The following TBL1X variants were observed in gnomAD, a reference collection of about 807,000 sequenced individuals.
The protein encoded by TBL1X is transducin beta like 1 X-linked.
TBL1X carries 10 observed loss-of-function variants against 50.7 expected under a neutral mutation model. The observed-to-expected ratio is 0.20, with a 90% CI of 0.12 to 0.33. The LOEUF is 0.33. Ranked by LOEUF, TBL1X falls within the 10% of genes least tolerant of loss-of-function variation. TBL1X has a pLI of 1.00. For synonymous variants in TBL1X, 190 were observed against 214.7 expected (o/e 0.88, Z 1.01); for missense variants, 340 against 504.4 (o/e 0.67, Z 3.12).
chrX:9,553,857 T>C (rs1291228766), intron 2 of TBL1X, among the ~76,000 whole-genome samples: 1 of 111,169 alleles, frequency 9.0e-6, no homozygotes, highest in Non-Finnish European at 1.9e-5. Flanking sequence ...TTATAGAGGG[T>C]AAGTTACATA....
intron 15 of TBL1X, among the ~76,000 whole-genome samples, chrX:9,710,711 T>C (rs2083241244): frequency 8.9e-6 from 1 of 112,129 alleles, no homozygotes; most frequent in Non-Finnish European, 1.9e-5. Flanking sequence ...TGATTACGTA[T>C]GTGGATGTGA....
chrX:9,544,726 C>T (rs772591031), intron 2 of TBL1X, among the ~76,000 whole-genome samples: 17 of 110,159 alleles, frequency 1.5e-4, no homozygotes, highest in Non-Finnish European at 2.8e-4. Flanking sequence ...CCACGCCCAG[C>T]TAATTTTTTT....
intron 1 of TBL1X, among the ~76,000 whole-genome samples, chrX:9,479,938 A>ATGTGTGTGTGTGTGTGTGTG (rs112927270): frequency 0.35 from 32,959 of 94,339 alleles, 5,432 homozygotes; most frequent in Non-Finnish European, 0.44. Context: ...GGAAAGTAGA[A>ATGTGTGTGTGTGTGTGTGTG]TGTGTGTGTG....
chrX:9,674,460 C>T (rs1398430684), intron 5 of TBL1X, among the ~76,000 whole-genome samples: 1 of 111,632 alleles, frequency 9.0e-6, no homozygotes, highest in Admixed American at 9.5e-5. Context: ...CAGTGTTTCA[C>T]CATGTTGCCC....
chrX:9,481,267 A>C, intron 1 of TBL1X, among the ~76,000 whole-genome samples: 1 of 112,345 alleles, frequency 8.9e-6, no homozygotes, highest in African/African-American at 3.2e-5. Context: ...GAAGTAATGG[A>C]AGACCGAAAT....
intron 12 of TBL1X, among the ~76,000 whole-genome samples, chrX:9,703,386 G>A (rs1229073400): frequency 9.0e-6 from 1 of 111,470 alleles, no homozygotes; most frequent in Admixed American, 9.5e-5. Context: ...GGCCTTTTCT[G>A]CTGCTCATCA....
chrX:9,654,712 C>T (rs2082855946), intron 5 of TBL1X, among the ~76,000 whole-genome samples: 1 of 110,960 alleles, frequency 9.0e-6, no homozygotes, highest in Admixed American at 9.6e-5. Context: ...ACTCCCCGCC[C>T]CCTAAATGGG....
intron 3 of TBL1X, among the ~76,000 whole-genome samples, chrX:9,642,598 G>A (rs1348347778): frequency 8.9e-6 from 1 of 111,811 alleles, no homozygotes; most frequent in African/African-American, 3.3e-5. Context: ...TCTCAGGCAG[G>A]AAGATTCCAA....
At chrX:9,531,393 GT>G (rs2082160571) in intron 2 of TBL1X, among the ~76,000 whole-genome samples, 4 of 107,343 alleles carry the variant, frequency 3.7e-5, no homozygotes, top group Non-Finnish European at 5.8e-5. Flanking sequence ...GTGTGTGTGT[GT>G]GTGTGTGTTG....
At chrX:9,586,972 G>A (rs776053098) in intron 2 of TBL1X, among the ~76,000 whole-genome samples, 1 of 112,440 alleles carries the variant, frequency 8.9e-6, no homozygotes, top group African/African-American at 3.2e-5. Flanking sequence ...TGACTGCAGA[G>A]CCTGGCTGGC....
intron 2 of TBL1X, among the ~76,000 whole-genome samples, chrX:9,527,432 G>A (rs1474564956): frequency 9.0e-6 from 1 of 111,008 alleles, no homozygotes; most frequent in African/African-American, 3.3e-5. Context: ...TTTAGGCACT[G>A]ACCCTAAATG....
chrX:9,476,577 C>T (rs774073134), intron 1 of TBL1X, among the ~76,000 whole-genome samples: 1 of 112,363 alleles, frequency 8.9e-6, no homozygotes, highest in East Asian at 2.8e-4. Flanking sequence ...ACTTCCTGTG[C>T]TTTCAAGGGG....
At chrX:9,715,770 T>C (rs1369700869) in intron 17 of TBL1X, among the ~76,000 whole-genome samples, 1 of 111,620 alleles carries the variant, frequency 9.0e-6, no homozygotes, top group Non-Finnish European at 1.9e-5. Context: ...CCCTCTTCTC[T>C]TCCCATGGGG....
intron 2 of TBL1X, among the ~76,000 whole-genome samples, chrX:9,524,649 C>T (rs1327710022): frequency 8.9e-6 from 1 of 112,658 alleles, no homozygotes; most frequent in Non-Finnish European, 1.9e-5. Flanking sequence ...GTTGCTTCCA[C>T]CTTTTGACTG....
At chrX:9,615,902 T>C (rs2082637033) in intron 2 of TBL1X, among the ~76,000 whole-genome samples, 1 of 112,169 alleles carries the variant, frequency 8.9e-6, no homozygotes, top group Non-Finnish European at 1.9e-5. Flanking sequence ...CATATTAGGC[T>C]CTTGGTGAAC....
chrX:9,464,805 G>T (rs950967074), upstream of TBL1X, among the ~76,000 whole-genome samples: 65 of 111,231 alleles, frequency 5.8e-4, no homozygotes, highest in African/African-American at 2.0e-3. Context: ...GGGGAGCGGG[G>T]CGGGCTTGGT....
Position 9,694,756 on chromosome X carries a change from C to A in TBL1X, c.1053+1337C>A, listed in dbSNP as rs766316676. Reference sequence around the variant, plus strand: ...TGGGAGGCCACGGCAGGCAGATCACCTGAGGTCGGGAGTTCGAGACCAGCC... The same window carrying A: ...TGGGAGGCCACGGCAGGCAGATCACATGAGGTCGGGAGTTCGAGACCAGCC... On this transcript the variant is annotated intron_variant, in intron 11 of 17. Coordinates refer to ENST00000645353, the MANE Select transcript of TBL1X (RefSeq NM_005647.4). Among the ~76,000 whole-genome samples, 17 of 111,174 alleles carry A rather than the reference C, an allele frequency of 1.5e-4. No individual in the cohort carries two copies. The South Asian group carries it at 4.1e-3, about 27-fold the overall frequency.
At chrX:9,505,910 A>G (rs2082023487) in intron 2 of TBL1X, among the ~76,000 whole-genome samples, 1 of 112,244 alleles carries the variant, frequency 8.9e-6, no homozygotes, top group Non-Finnish European at 1.9e-5. Context: ...AAAATTAACA[A>G]GGATATTCAG....
intron 7 of TBL1X, among the ~76,000 whole-genome samples, chrX:9,688,503 T>G (rs191017733): frequency 2.6e-4 from 29 of 112,623 alleles, no homozygotes; most frequent in African/African-American, 9.3e-4. Context: ...GAAATCGTGC[T>G]GCGCCTGCTA....
Sources: gnomAD v4.1 joint callset for allele counts (sites outside exome capture counted in the v4.1 genomes callset) on GRCh38, gnomAD v4.1.1 for gene constraint, MANE v1.5 for transcripts, NCBI Gene and HGNC (gene_info 2026-07-23, HGNC 2026-07-21) for gene names.